PAF1: variants seen among roughly 807,000 people sequenced by gnomAD.
PAF1 encodes RNA polymerase II-associated factor 1 homolog.
Under a neutral mutation model 68.4 loss-of-function variants are expected in PAF1, and 31 were observed. The observed-to-expected ratio is 0.45, with a 90% confidence interval of 0.34 to 0.61. The LOEUF (loss-of-function observed/expected upper bound fraction) is 0.61, where lower values mean the gene tolerates loss of function less well. Ranked by LOEUF, PAF1 falls within the 20% of genes least tolerant of loss-of-function variation. PAF1 has a pLI of 0.01. For missense variants in PAF1, 435 were observed against 692.9 expected (o/e 0.63, Z 4.18); for synonymous variants, 256 against 240.5 (o/e 1.06, Z -0.60).
At position 39,390,180 on chromosome 19, in the gene PAF1, CA is replaced by C. The variant is rs1301276160; in HGVS notation, c.78-20del. 6.2e-7 allele frequency: 1 copy of C among 1,612,900 alleles called. No individual in the cohort carries two copies. The highest frequency in any genetic ancestry group is 8.5e-7 in the Non-Finnish European group (1 of 1,179,102). On this transcript the variant is annotated intron_variant, in intron 2 of 13. Coordinates refer to ENST00000221265, the MANE Select transcript of PAF1 (RefSeq NM_019088.4). Reference sequence around the variant, plus strand: ...TCCAGACCTAGGAACATTAGTGGCTCAAAAGTGGGCCCCCGCTGCCCCACCT... The same window carrying C: ...TCCAGACCTAGGAACATTAGTGGCTCAAAGTGGGCCCCCGCTGCCCCACCT...
Position 39,389,414 on chromosome 19 carries a change from C to A in PAF1, c.360-31G>T. ...GTGGGAAATCAGGTATCTCAGGACC[C>A]CACTGCCCTCCTGCTTGTAGGGCCC... On this transcript the variant is annotated intron_variant, in intron 5 of 13. Coordinates refer to ENST00000221265, the MANE Select transcript of PAF1 (RefSeq NM_019088.4). The surrounding 1 kb of genome is among the most constrained non-coding windows in gnomAD (Gnocchi z 5.3). The A allele has an allele frequency of 6.2e-7, 1 of 1,611,460 alleles. No individual in the cohort carries two copies. Among genetic ancestry groups the A allele is most frequent in the Non-Finnish European group, 8.5e-7 (1 of 1,177,658 alleles).
At position 39,389,567 on chromosome 19, in the gene PAF1, G is replaced by A; in HGVS notation, c.293-21C>T. ...AAGAACTAGAGGAGAGCGGGGGGCAGGAGGACCATGAGGGAGGCCCAGGCC... is the reference window on the plus strand; with the variant it reads ...AAGAACTAGAGGAGAGCGGGGGGCAAGAGGACCATGAGGGAGGCCCAGGCC... On this transcript the variant is annotated intron_variant, in intron 4 of 13. Coordinates refer to ENST00000221265, the MANE Select transcript of PAF1 (RefSeq NM_019088.4). This position sits in a 1 kb window ranked among gnomAD's most constrained non-coding sequence, Gnocchi z 5.3. 1.9e-6 allele frequency: 3 copies of A among 1,614,186 alleles called. No individual in the cohort carries two copies. Among genetic ancestry groups the A allele is most frequent in the Non-Finnish European group, 2.5e-6 (3 of 1,180,014 alleles).
chr19:39,388,272 C>A lies in PAF1; in HGVS notation c.986+67G>T, dbSNP rs1600609910. ...TAGGTACAAATGACCTCCAAGGTGG[C>A]TCTTGCATGCCCCAGGGTCTTAAGA... On this transcript the variant is annotated intron_variant, in intron 11 of 13. Transcript: ENST00000221265. 51 of 1,554,164 alleles carry A rather than the reference C, an allele frequency of 3.3e-5. No individual in the cohort carries two copies. The East Asian group carries it at 1.1e-3, about 35-fold the overall frequency.
At chr19:39,387,137 C>A in intron 11 of PAF1, 1 of 434,910 alleles carries the variant, frequency 2.3e-6, no homozygotes, top group Non-Finnish European at 4.4e-6. Context: ...CACAAACGTA[C>A]ATAGTATAGC....
At chr19:39,387,263 G>A (rs1283261364) in intron 11 of PAF1, 1 of 372,570 alleles carries the variant, frequency 2.7e-6, no homozygotes, top group South Asian at 2.1e-5. Context: ...AAGTATTTGT[G>A]TATCTAAACA....
intron 10 of PAF1, 28 bp from the exon 11 acceptor site, chr19:39,388,495 C>T (rs1229516258): frequency 1.2e-6 from 2 of 1,614,136 alleles, no homozygotes; most frequent in Non-Finnish European, 1.7e-6. Context: ...GGTTCAGCCC[C>T]ATTTCTTCCC....
In PAF1 at chr19:39,390,800, GA is replaced by G; in HGVS notation, c.47+17del. 1 of 1,573,690 alleles carries G rather than the reference GA, an allele frequency of 6.4e-7. No individual in the cohort carries two copies. Among genetic ancestry groups the G allele is most frequent in the Non-Finnish European group, 8.6e-7 (1 of 1,158,750 alleles). Reference sequence around the variant, plus strand: ...CCCGATCCCCCGCCTTGCTGCAACAGAAAAGCGTGGCGCCTACCTGTGGCCA... The same window carrying G: ...CCCGATCCCCCGCCTTGCTGCAACAGAAAGCGTGGCGCCTACCTGTGGCCA... On this transcript the variant is annotated intron_variant, in intron 1 of 13. Coordinates refer to ENST00000221265, the MANE Select transcript of PAF1 (RefSeq NM_019088.4).
chr19:39,387,463 G>A (rs897872069), intron 11 of PAF1, among the ~76,000 whole-genome samples: 1 of 152,172 alleles, frequency 6.6e-6, no homozygotes, highest in African/African-American at 2.4e-5. Flanking sequence ...CCACAGCACA[G>A]CAACAGTGGG....
chr19:39,385,949 T>C lies in PAF1; in HGVS notation c.*42A>G. The C allele has an allele frequency of 6.2e-7, 1 of 1,608,320 alleles. No homozygotes were observed. Among genetic ancestry groups the C allele is most frequent in the Non-Finnish European group, 8.5e-7 (1 of 1,178,620 alleles). On this transcript the variant is annotated 3_prime_UTR_variant, in exon 14 of 14. Transcript: ENST00000221265. ...GACCACTAGAAAAGTGCTTTGCTGC[T>C]CACAATAATGGTGTCTGAACCAGCC...
Position 39,386,863 on chromosome 19 carries a change from C to G in PAF1, c.987-64G>C. The G allele has an allele frequency of 9.0e-7, 1 of 1,105,104 alleles. No homozygotes were observed. 68.5% of individuals were successfully genotyped at this position (1,105,104 alleles called of 1,614,324 possible). A position where few individuals can be genotyped will look rare whatever the true frequency, so the allele number is the denominator to read the frequency against. ...CAGTTAAAGACACACCTCCCACTTCCCCGCCCCCCAGTGAGGGGTCTGGTC... is the reference window on the plus strand; with the variant it reads ...CAGTTAAAGACACACCTCCCACTTCGCCGCCCCCCAGTGAGGGGTCTGGTC... On this transcript the variant is annotated intron_variant, in intron 11 of 13. Transcript: ENST00000221265. The surrounding 1 kb of genome is among the most constrained non-coding windows in gnomAD (Gnocchi z 6.1).
chr19:39,388,959 G>A lies in PAF1; in HGVS notation c.624C>T (p.Phe208=). Residue 208 remains phenylalanine (F), a synonymous_variant, in exon 8 of 14, where the codon TTC becomes TTT. Coordinates refer to ENST00000221265, the MANE Select transcript of PAF1 (RefSeq NM_019088.4). ...RVTPVEVMPV[F]PDFKMWINPC... ...CCTTGGGCCTGACCTTAAAGTCTGG[G>A]AAGACAGGCATGACCTCCACCGGTG... 6.2e-7 allele frequency: 1 copy of A among 1,614,118 alleles called. No individual in the cohort carries two copies. Among genetic ancestry groups the A allele is most frequent in the Non-Finnish European group, 8.5e-7 (1 of 1,179,996 alleles).
At chr19:39,388,706 G>A in intron 9 of PAF1, 30 bp from the exon 10 acceptor site, 2 of 1,610,684 alleles carry the variant, frequency 1.2e-6, no homozygotes, top group Non-Finnish European at 1.7e-6. Context: ...TAGCAATGAA[G>A]TGTGAGGACA....
In PAF1 at chr19:39,385,919, A is replaced by G. The variant is rs1192996367; in HGVS notation, c.*72T>C. 3.2e-6 allele frequency: 5 copies of G among 1,586,918 alleles called. No individual in the cohort carries two copies. The highest frequency in any genetic ancestry group is 4.3e-6 in the Non-Finnish European group (5 of 1,169,580). On this transcript the variant is annotated 3_prime_UTR_variant, in exon 14 of 14. Transcript: ENST00000221265. Reference sequence around the variant, plus strand: ...GGGAACAAACAAGTGAAAGGCTCACAAACAGACCACTAGAAAAGTGCTTTG... The same window carrying G: ...GGGAACAAACAAGTGAAAGGCTCACGAACAGACCACTAGAAAAGTGCTTTG...
chr19:39,390,394 T>A (rs2078353710), intron 1 of PAF1, 105 bp from the exon 2 acceptor site: 3 of 1,069,866 alleles, frequency 2.8e-6, no homozygotes, highest in Non-Finnish European at 4.2e-6. Context: ...TGACAAATGC[T>A]GGTTTCTTTG....
intron 1 of PAF1, 102 bp downstream of exon 1, chr19:39,390,716 G>C: frequency 8.1e-7 from 1 of 1,238,874 alleles, no homozygotes; most frequent in South Asian, 1.3e-5. Context: ...AAAGGTGAGC[G>C]CTTCATGACG....
rs773622192 is a variant in PAF1 at position 39,390,165 on chromosome 19, G to C, written c.78-4C>G. ...GACTCGGCAGACCACTCCAGACCTA[G>C]GAACATTAGTGGCTCAAAAGTGGGC... On this transcript the variant is annotated splice_region_variant and splice_polypyrimidine_tract_variant and intron_variant, in intron 2 of 13. Coordinates refer to ENST00000221265, the MANE Select transcript of PAF1 (RefSeq NM_019088.4). 3.1e-6 allele frequency: 5 copies of C among 1,613,630 alleles called. No homozygotes were observed. The African/African-American group carries it at 6.7e-5, about 22-fold the overall frequency.
chr19:39,390,656 C>G (rs955533230), intron 1 of PAF1, among the ~76,000 whole-genome samples, 162 bp downstream of exon 1: 11 of 152,148 alleles, frequency 7.2e-5, no homozygotes, highest in Admixed American at 6.5e-4. Flanking sequence ...AACTGCACGG[C>G]GGGGAGGAGG....
In PAF1 at chr19:39,389,257, C is replaced by G. The variant is rs768337039; in HGVS notation, c.461+25G>C. The G allele has an allele frequency of 6.2e-7, 1 of 1,609,816 alleles. No homozygotes were observed. The highest frequency in any genetic ancestry group is 1.7e-5 in the Admixed American group (1 of 60,022). ...TGGACACACCTAATATCTCCACCTT[C>G]CCTCTCTTCCTGTTAGTAACTTACT... On this transcript the variant is annotated intron_variant, in intron 6 of 13. Coordinates refer to ENST00000221265, the MANE Select transcript of PAF1 (RefSeq NM_019088.4). This position sits in a 1 kb window ranked among gnomAD's most constrained non-coding sequence, Gnocchi z 5.3.
Position 39,388,863 on chromosome 19 carries a change from C to T in PAF1, c.639G>A (p.Met213Ile), listed in dbSNP as rs1276718399. Residue 213 changes from methionine to isoleucine, a missense_variant and splice_region_variant, in exon 9 of 14, where the codon ATG becomes ATA. Physicochemically the swap from Met to Ile is conservative, Grantham distance 10 (BLOSUM62 1). Coordinates refer to ENST00000221265, the MANE Select transcript of PAF1 (RefSeq NM_019088.4). Reference protein sequence around the residue: ...EVMPVFPDFKMWINPCAQVIF... With the variant: ...EVMPVFPDFKIWINPCAQVIF... ...TCACCTGAGCACATGGATTGATCCACATCTAGGGAGATGGAGGCACTGGGG... is the reference window on the plus strand; with the variant it reads ...TCACCTGAGCACATGGATTGATCCATATCTAGGGAGATGGAGGCACTGGGG... 1 of 1,613,764 alleles carries T rather than the reference C, an allele frequency of 6.2e-7. No homozygotes were observed. The highest frequency in any genetic ancestry group is 8.5e-7 in the Non-Finnish European group (1 of 1,179,722).
Sources: gnomAD v4.1 joint callset for allele counts (sites outside exome capture counted in the v4.1 genomes callset) on GRCh38, gnomAD v4.1.1 for gene constraint, Gnocchi (gnomAD v3.1) non-coding constraint, MANE v1.5 for transcripts, NCBI Gene and HGNC (gene_info 2026-07-23, HGNC 2026-07-21) for gene names.